Variants in CDKN3 observed in about 807,000 individuals in gnomAD.
CDKN3 encodes the protein cyclin-dependent kinase inhibitor 3.
Under a neutral mutation model 36.1 loss-of-function variants are expected in CDKN3, and 19 were observed. The observed-to-expected ratio is 0.53, with a 90% CI of 0.37 to 0.77. The LOEUF is 0.77. Ranked by LOEUF, CDKN3 falls within the 30% of genes least tolerant of loss-of-function variation. The pLI is 0.00. For synonymous variants in CDKN3, 71 were observed against 85.3 expected, an observed-to-expected ratio of 0.83 and a Z score of 0.92; for missense variants, 188 against 248.6, an observed-to-expected ratio of 0.76 and a Z score of 1.64.
chr14:54,413,903 A>G (rs1270781414), intron 5 of CDKN3: 1 of 1,151,634 alleles, frequency 8.7e-7, no homozygotes, highest in Non-Finnish European at 1.1e-6. Flanking sequence ...CTTCTTTCCC[A>G]TTTCTAGAGG....
chr14:54,415,961 C>G, intron 6 of CDKN3, 31 bp downstream of exon 6: 1 of 1,484,400 alleles, frequency 6.7e-7, no homozygotes, highest in South Asian at 1.1e-5. Flanking sequence ...ATTTTTTTAA[C>G]CGCCAAATAG....
At chr14:54,409,836 G>C (rs997378480) in intron 4 of CDKN3, among the ~76,000 whole-genome samples, 1 of 150,130 alleles carries the variant, frequency 6.7e-6, no homozygotes, top group African/African-American at 2.5e-5. Flanking sequence ...GGAGTGCAAT[G>C]AGCTGAGATT....
intron 7 of CDKN3, among the ~76,000 whole-genome samples, chr14:54,419,121 G>A (rs2030646204): frequency 1.3e-5 from 2 of 151,050 alleles, no homozygotes. Flanking sequence ...TCACACCACT[G>A]CACTCCAGCC....
Position 54,398,168 on chromosome 14 carries a change from A to G in CDKN3, c.9+1091A>G, listed in dbSNP as rs4251600. On this transcript the variant is annotated intron_variant, in intron 1 of 7. Coordinates refer to ENST00000335183, the MANE Select transcript of CDKN3 (RefSeq NM_005192.4). ...AGAAAGAAAAAAAAGTCCGTAGCCT[A>G]AATTAGCCGTCCTGTGATCTTCTAG... is the stretch of plus-strand genomic sequence containing the variant. Among the ~76,000 whole-genome samples, 265 of 152,320 alleles carry G rather than the reference A, an allele frequency of 1.7e-3. 1 individual carries two copies. The highest frequency in any genetic ancestry group is 5.2e-3 in the Admixed American group (80 of 15,304).
intron 4 of CDKN3, among the ~76,000 whole-genome samples, chr14:54,409,340 G>T (rs111887036): frequency 4.6e-5 from 7 of 152,288 alleles, no homozygotes; most frequent in African/African-American, 1.7e-4. Context: ...CATATTGCAT[G>T]ATACTAACAA....
At chr14:54,417,999 ACAAATACAGATTCATG>A in intron 7 of CDKN3, 48 bp downstream of exon 7, 1 of 1,038,426 alleles carries the variant, frequency 9.6e-7, no homozygotes, top group Non-Finnish European at 1.5e-6. Flanking sequence ...GGTCGTTGTT[ACAAATACAGATTCATG>A]TGTAACCAAA....
At chr14:54,412,532 T>C (rs1462401095) in intron 5 of CDKN3, among the ~76,000 whole-genome samples, 1 of 152,164 alleles carries the variant, frequency 6.6e-6, no homozygotes, top group Non-Finnish European at 1.5e-5. Context: ...TCATTGTGTG[T>C]CAGTGGCTAT....
At chr14:54,408,200 T>C (rs964925718) in intron 3 of CDKN3, among the ~76,000 whole-genome samples, 6 of 152,252 alleles carry the variant, frequency 3.9e-5, no homozygotes, top group African/African-American at 1.4e-4. Flanking sequence ...CTGTTTTCCA[T>C]AGTGGTTGTA....
intron 6 of CDKN3, among the ~76,000 whole-genome samples, chr14:54,417,578 A>G: frequency 6.6e-6 from 1 of 152,234 alleles, no homozygotes; most frequent in Non-Finnish European, 1.5e-5. Flanking sequence ...TGATGGTTGC[A>G]CATATCTGTA....
intron 7 of CDKN3, chr14:54,418,314 C>A: frequency 1.4e-6 from 1 of 695,302 alleles, no homozygotes; most frequent in Non-Finnish European, 2.6e-6. Context: ...TTGGTACGTT[C>A]TTGGGTAGAT....
chr14:54,416,703 T>A (rs894340315), intron 6 of CDKN3, among the ~76,000 whole-genome samples: 3 of 152,090 alleles, frequency 2.0e-5, no homozygotes, highest in African/African-American at 4.8e-5. Context: ...TAGTCCCAGC[T>A]CCTTGTGGGA....
At chr14:54,408,573 T>C in intron 3 of CDKN3, 172 bp from the exon 4 acceptor site, 1 of 764,136 alleles carries the variant, frequency 1.3e-6, no homozygotes, top group Non-Finnish European at 1.9e-6. Flanking sequence ...GATGAATCCC[T>C]GTAATTATAT....
intron 5 of CDKN3, among the ~76,000 whole-genome samples, chr14:54,413,049 G>A (rs533513860): frequency 2.4e-4 from 36 of 152,290 alleles, no homozygotes; most frequent in African/African-American, 8.7e-4. Context: ...CAACTAGTAC[G>A]AGGGTCTTTG....
chr14:54,411,994 T>C lies in CDKN3; in HGVS notation c.416+288T>C, dbSNP rs540112238. Among the ~76,000 whole-genome samples, 5 of 152,332 alleles carry C rather than the reference T, an allele frequency of 3.3e-5. No individual in the cohort carries two copies. The South Asian group carries it at 1.0e-3, about 32-fold the overall frequency. On this transcript the variant is annotated intron_variant, in intron 5 of 7. Coordinates refer to ENST00000335183, the MANE Select transcript of CDKN3 (RefSeq NM_005192.4). Reference sequence around the variant, plus strand: ...TTTCTTTCCTTTAGTCTTAGACCTTTAGTTGCAATTTTGGGACCCTCCTTT... The same window carrying C: ...TTTCTTTCCTTTAGTCTTAGACCTTCAGTTGCAATTTTGGGACCCTCCTTT...
chr14:54,417,332 A>C (rs1594609850), intron 6 of CDKN3, among the ~76,000 whole-genome samples: 2 of 152,360 alleles, frequency 1.3e-5, no homozygotes, highest in South Asian at 2.1e-4. Context: ...AAAGGAATTA[A>C]ATACAGACAT....
chr14:54,411,842 G>A lies in CDKN3; in HGVS notation c.416+136G>A, dbSNP rs4251640. ...TAAAAGGTAATAATGCACTAGGAAA[G>A]CACTGGCACAATGTCTGGTACAGGG... On this transcript the variant is annotated intron_variant, in intron 5 of 7. Coordinates refer to ENST00000335183, the MANE Select transcript of CDKN3 (RefSeq NM_005192.4). 1.8e-3 allele frequency: 1,279 copies of A among 710,858 alleles called. 4 individuals are homozygous for A. In the Middle Eastern group the frequency reaches 0.019, roughly 10 times the overall value. 44.0% of individuals were successfully genotyped at this position (710,858 alleles called of 1,614,324 possible). A position where few individuals can be genotyped will look rare whatever the true frequency, so the allele number is the denominator to read the frequency against.
chr14:54,407,797 G>A (rs1341691794), intron 3 of CDKN3, among the ~76,000 whole-genome samples: 2 of 152,204 alleles, frequency 1.3e-5, no homozygotes, highest in African/African-American at 4.8e-5. Context: ...TTGGGGGTGG[G>A]ATCCACAGAG....
At chr14:54,410,533 A>G (rs1260833154) in intron 4 of CDKN3, among the ~76,000 whole-genome samples, 1 of 152,236 alleles carries the variant, frequency 6.6e-6, no homozygotes, top group African/African-American at 2.4e-5. Context: ...TATAGTATTC[A>G]TATCATTATA....
chr14:54,416,352 G>A (rs940692874), intron 6 of CDKN3, among the ~76,000 whole-genome samples: 7 of 152,150 alleles, frequency 4.6e-5, no homozygotes, highest in Non-Finnish European at 1.0e-4. Context: ...CCACACTGGA[G>A]TAGTAGTTAT....
Sources: allele counts gnomAD v4.1 joint callset (sites outside exome capture counted in the v4.1 genomes callset), GRCh38; gene constraint gnomAD v4.1.1; transcripts MANE v1.5; gene names NCBI Gene and HGNC (gene_info 2026-07-23, HGNC 2026-07-21).